Variants in CBFA2T2 observed in about 807,000 individuals in gnomAD.
CBFA2T2 encodes protein CBFA2T2.
CBFA2T2 carries 11 observed loss-of-function variants against 62.2 expected under a neutral mutation model. The observed-to-expected ratio is 0.18, with a 90% CI of 0.11 to 0.29. The LOEUF (loss-of-function observed/expected upper bound fraction) is 0.29, where lower values mean the gene tolerates loss of function less well. Ranked by LOEUF, CBFA2T2 falls within the 10% of genes least tolerant of loss-of-function variation. CBFA2T2 has a pLI of 1.00. For synonymous variants in CBFA2T2, 295 were observed against 287.5 expected (o/e 1.03, Z -0.27); for missense variants, 592 against 774.1 (o/e 0.76, Z 2.79).
At chr20:33,627,026 G>A (rs997412806) in intron 6 of CBFA2T2, among the ~76,000 whole-genome samples, 1 of 152,110 alleles carries the variant, frequency 6.6e-6, no homozygotes, top group African/African-American at 2.4e-5. Flanking sequence ...AGGTTTAGAT[G>A]TACTGGCAGT....
chr20:33,649,844 T>A lies in CBFA2T2; in HGVS notation c.*5198T>A, dbSNP rs946610195. The A allele has an allele frequency of 1.1e-4, 17 of 152,760 alleles. No individual in the cohort carries two copies. The highest frequency in any genetic ancestry group is 4.1e-4 in the African/African-American group (17 of 41,568). The allele number at this position is 152,760 out of a possible 1,614,324, so 9.5% of individuals were successfully genotyped here. On this transcript the variant is annotated 3_prime_UTR_variant, in exon 11 of 11. Transcript: ENST00000342704. ...GTGGTTTTTAAAGGGGGATGATGAA[T>A]GTGACACCACCCACAGAATGCATTA...
chr20:33,645,821 T>G lies in CBFA2T2; in HGVS notation c.*1175T>G, dbSNP rs557116357. 6.6e-6 allele frequency: 1 copy of G among 152,360 alleles called. No individual in the cohort carries two copies. Among genetic ancestry groups the G allele is most frequent in the African/African-American group, 2.4e-5 (1 of 41,576 alleles). 9.4% of individuals were successfully genotyped at this position (152,360 alleles called of 1,614,324 possible). On this transcript the variant is annotated 3_prime_UTR_variant, in exon 11 of 11. Transcript: ENST00000342704. ...ACTTCTGTTTCCTTCTCTTGTGTTA[T>G]CTGATAGCGTCCCTCCTTGAGCTCA...
chr20:33,500,947 G>A (rs1304236396), intron 1 of CBFA2T2, among the ~76,000 whole-genome samples: 1 of 152,134 alleles, frequency 6.6e-6, no homozygotes, highest in Admixed American at 6.6e-5. Context: ...AAATGTCCAT[G>A]CTAATTTTGC....
At chr20:33,621,692 C>T (rs777299611) in intron 4 of CBFA2T2, among the ~76,000 whole-genome samples, 14 of 152,084 alleles carry the variant, frequency 9.2e-5, no homozygotes, top group Non-Finnish European at 2.1e-4. Flanking sequence ...TTTTCATTTC[C>T]TAAGAAAATG....
rs1182658782 is a variant in CBFA2T2 at position 33,628,576 on chromosome 20, C to G, written c.1032+141C>G. 7 of 651,762 alleles carry G rather than the reference C, an allele frequency of 1.1e-5. No individual in the cohort carries two copies. In the South Asian group the frequency reaches 1.1e-4, roughly 10 times the overall value. 40.4% of individuals were successfully genotyped at this position (651,762 alleles called of 1,614,324 possible). On this transcript the variant is annotated intron_variant, in intron 7 of 10. Coordinates refer to ENST00000342704, the MANE Select transcript of CBFA2T2 (RefSeq NM_001032999.3). ...TTCTGCTTCCCAGGTTCAAGCAATT[C>G]TCCTGCCTCTGTCTTCGGAGTAGCT...
intron 1 of CBFA2T2, among the ~76,000 whole-genome samples, chr20:33,589,791 A>C (rs919062449): frequency 5.9e-5 from 9 of 152,228 alleles, no homozygotes; most frequent in African/African-American, 1.7e-4. Context: ...AATGTAAGCA[A>C]CAAATAGAGG....
chr20:33,585,007 G>A (rs1328655507), intron 1 of CBFA2T2, among the ~76,000 whole-genome samples: 3 of 152,100 alleles, frequency 2.0e-5, no homozygotes, highest in Non-Finnish European at 4.4e-5. Context: ...GAGAAGGGCT[G>A]GGGTTTAGGG....
chr20:33,505,233 T>C (rs1266138257), intron 1 of CBFA2T2, among the ~76,000 whole-genome samples: 1 of 152,184 alleles, frequency 6.6e-6, no homozygotes, highest in Non-Finnish European at 1.5e-5. Context: ...GAGGAAGATA[T>C]GGGTGTCATC....
intron 1 of CBFA2T2, among the ~76,000 whole-genome samples, chr20:33,559,084 ATTAG>A (rs1397547465): frequency 4.3e-4 from 54 of 124,904 alleles, no homozygotes; most frequent in African/African-American, 2.5e-3. Flanking sequence ...TAAGTAATCA[ATTAG>A]TTTTTTTAAA....
At chr20:33,580,326 CTAAA>C (rs1327669701) in intron 1 of CBFA2T2, among the ~76,000 whole-genome samples, 3 of 152,110 alleles carry the variant, frequency 2.0e-5, no homozygotes, top group Non-Finnish European at 4.4e-5. Flanking sequence ...ATAAACTTTA[CTAAA>C]TAAAGCCAGT....
intron 1 of CBFA2T2, chr20:33,574,120 G>A (rs2013708117): frequency 1.3e-6 from 2 of 1,577,206 alleles, no homozygotes; most frequent in African/African-American, 1.4e-5. Context: ...GATTGAGGAT[G>A]GTAGTTTTTG....
chr20:33,541,742 A>C (rs1028039963), intron 1 of CBFA2T2, among the ~76,000 whole-genome samples: 1 of 152,206 alleles, frequency 6.6e-6, no homozygotes, highest in African/African-American at 2.4e-5. Flanking sequence ...TTCTTTGCCT[A>C]GCTGGAAGAG....
At chr20:33,581,494 G>A (rs1181997443) in intron 1 of CBFA2T2, among the ~76,000 whole-genome samples, 1 of 152,216 alleles carries the variant, frequency 6.6e-6, no homozygotes, top group Middle Eastern at 3.4e-3. Context: ...GTGTGTGTGT[G>A]TGTGTGTCTG....
intron 1 of CBFA2T2, among the ~76,000 whole-genome samples, chr20:33,605,783 T>C (rs1314349620): frequency 1.3e-5 from 2 of 152,140 alleles, no homozygotes; most frequent in Non-Finnish European, 2.9e-5. Flanking sequence ...TTGATGTAGT[T>C]GATATGTATA....
intron 1 of CBFA2T2, among the ~76,000 whole-genome samples, chr20:33,592,602 G>A (rs1055312390): frequency 6.6e-5 from 10 of 151,892 alleles, no homozygotes; most frequent in Non-Finnish European, 1.5e-4. Flanking sequence ...GCACATCCCT[G>A]TAGTCCCAGT....
intron 1 of CBFA2T2, among the ~76,000 whole-genome samples, chr20:33,594,626 A>G (rs2014810626): frequency 1.3e-5 from 2 of 152,196 alleles, no homozygotes; most frequent in South Asian, 4.1e-4. Context: ...TAGGAAAGCC[A>G]TTAACTAGCT....
chr20:33,563,202 C>G (rs995466526), intron 1 of CBFA2T2, among the ~76,000 whole-genome samples: 2 of 152,118 alleles, frequency 1.3e-5, no homozygotes, highest in African/African-American at 4.8e-5. Flanking sequence ...TGCTCCTATG[C>G]TGTTTTCTTC....
rs1249559869 is a variant in CBFA2T2, at chr20:33,648,768, A to G, written c.*4122A>G. 3 of 152,242 alleles carry G rather than the reference A, an allele frequency of 2.0e-5. No homozygotes were observed. The highest frequency in any genetic ancestry group is 4.8e-5 in the African/African-American group (2 of 41,452). The allele number at this position is 152,242 out of a possible 1,614,324, so 9.4% of individuals were successfully genotyped here. A position where few individuals can be genotyped will look rare whatever the true frequency, so the allele number is the denominator to read the frequency against. ...TCTGCAGCGTGGATTTCCTTTGCCC[A>G]TTTGGGCCAGAAGGTCACCAGGAGT... On this transcript the variant is annotated 3_prime_UTR_variant, in exon 11 of 11. Transcript: ENST00000342704.
intron 1 of CBFA2T2, chr20:33,600,521 A>G: frequency 2.5e-6 from 1 of 397,310 alleles, no homozygotes; most frequent in Non-Finnish European, 5.0e-6. Flanking sequence ...TTACACATTC[A>G]GAACATTTAC....
Sources: allele counts gnomAD v4.1 joint callset (sites outside exome capture counted in the v4.1 genomes callset), GRCh38; gene constraint gnomAD v4.1.1; transcripts MANE v1.5; gene names NCBI Gene and HGNC (gene_info 2026-07-23, HGNC 2026-07-21).